MBD5: variants seen among roughly 807,000 people sequenced by gnomAD.
The protein encoded by MBD5 is methyl-CpG binding domain protein 5, also known as methyl-CpG-binding domain protein 5.
MBD5 carries 13 observed loss-of-function variants against 117.3 expected under a neutral mutation model. The observed-to-expected ratio is 0.11, with a 90% CI of 0.07 to 0.18. MBD5 has a LOEUF of 0.18. MBD5 is among the 10% of genes least tolerant of loss of function. MBD5 has a pLI of 1.00. For missense variants in MBD5, 1,879 were observed against 2,093.8 expected, an observed-to-expected ratio of 0.90 and a Z score of 2.00; for synonymous variants, 727 against 766.4, an observed-to-expected ratio of 0.95 and a Z score of 0.85.
At chr2:148,258,498 C>T (rs7424220) in intron 3 of MBD5, among the ~76,000 whole-genome samples, 144,122 of 152,216 alleles carry the variant, frequency 0.95, 68,705 homozygotes, top group East Asian at 1. Flanking sequence ...TAATTCCACA[C>T]GTGGCCTCCA....
intron 1 of MBD5, among the ~76,000 whole-genome samples, chr2:148,141,827 C>T (rs1026643012): frequency 5.3e-5 from 8 of 151,496 alleles, no homozygotes; most frequent in Admixed American, 4.0e-4. Flanking sequence ...AATAAAAATT[C>T]AAGGCTGGGC....
chr2:148,386,250 A>G (rs1704357237), intron 4 of MBD5, among the ~76,000 whole-genome samples: 2 of 152,234 alleles, frequency 1.3e-5, no homozygotes, highest in South Asian at 2.1e-4. Flanking sequence ...ATGAAAACAT[A>G]CATTCAGCCA....
chr2:148,308,150 T>G (rs1336730908), intron 3 of MBD5, among the ~76,000 whole-genome samples: 1 of 152,206 alleles, frequency 6.6e-6, no homozygotes, highest in Non-Finnish European at 1.5e-5. Flanking sequence ...CCTTTGGGTA[T>G]ATACCTAGTA....
At chr2:148,426,583 A>T (rs1357730824) in intron 4 of MBD5, among the ~76,000 whole-genome samples, 1 of 152,178 alleles carries the variant, frequency 6.6e-6, no homozygotes, top group Non-Finnish European at 1.5e-5. Flanking sequence ...TGGTGCTGGG[A>T]AAACTGGCTA....
chr2:148,258,913 A>G (rs1254182173), intron 3 of MBD5, among the ~76,000 whole-genome samples: 1 of 152,112 alleles, frequency 6.6e-6, no homozygotes, highest in Admixed American at 6.5e-5. Context: ...GAGCCGCCAT[A>G]GCAGTGGTCA....
chr2:148,079,058 A>G (rs1281514235), intron 1 of MBD5, among the ~76,000 whole-genome samples: 1 of 152,176 alleles, frequency 6.6e-6, no homozygotes, highest in Admixed American at 6.5e-5. Flanking sequence ...GCATAGCTTT[A>G]TAGCTTCCCT....
chr2:148,032,711 CCTA>C (rs1217745215), intron 1 of MBD5, among the ~76,000 whole-genome samples: 2 of 152,032 alleles, frequency 1.3e-5, no homozygotes, highest in Non-Finnish European at 2.9e-5. Flanking sequence ...ACAAGAAAAA[CCTA>C]CTATTAATTA....
In MBD5 at chr2:148,134,514, C is replaced by T. The variant is rs574007990; in HGVS notation, c.-924-44186C>T. 3.3e-5 allele frequency among the ~76,000 whole-genome samples: 5 copies of T among 152,308 alleles called. No individual in the cohort carries two copies. In the South Asian group the frequency reaches 1.0e-3, roughly 32 times the overall value. ...TATCTAACATGTATTTCTCCACAGT[C>T]ATCTGAAAAGTATGAACTAAATAAG... is the stretch of plus-strand genomic sequence containing the variant. On this transcript the variant is annotated intron_variant, in intron 1 of 13. Transcript: ENST00000642680.
intron 1 of MBD5, among the ~76,000 whole-genome samples, chr2:148,139,477 G>A (rs1697257604): frequency 6.6e-6 from 1 of 152,140 alleles, no homozygotes; most frequent in Admixed American, 6.5e-5. Flanking sequence ...CTCCGAAAGC[G>A]CTGGGATTAC....
chr2:148,483,025 T>G, intron 8 of MBD5, 85 bp from the exon 9 acceptor site: 1 of 1,465,894 alleles, frequency 6.8e-7, no homozygotes, highest in South Asian at 1.2e-5. Context: ...AAATTTAAAT[T>G]TATGTTAATG....
chr2:148,162,372 G>C (rs1698026998), intron 1 of MBD5, among the ~76,000 whole-genome samples: 1 of 152,078 alleles, frequency 6.6e-6, no homozygotes, highest in Non-Finnish European at 1.5e-5. Flanking sequence ...GCTTCTGGAG[G>C]AACTCCAACT....
chr2:148,446,332 A>G (rs1369714166), intron 4 of MBD5, among the ~76,000 whole-genome samples: 11 of 152,052 alleles, frequency 7.2e-5, no homozygotes, highest in Non-Finnish European at 1.2e-4. Context: ...AAAACTGGCT[A>G]GCCATATGTA....
At chr2:148,385,789 G>T (rs1704336850) in intron 4 of MBD5, among the ~76,000 whole-genome samples, 1 of 151,698 alleles carries the variant, frequency 6.6e-6, no homozygotes, top group African/African-American at 2.4e-5. Context: ...CATAAAAAAG[G>T]ATGAGTTCAT....
intron 1 of MBD5, among the ~76,000 whole-genome samples, chr2:148,153,672 C>T (rs1229852674): frequency 5.5e-4 from 76 of 137,644 alleles, no homozygotes; most frequent in African/African-American, 8.7e-4. Flanking sequence ...CTTCCCTTCT[C>T]GCTTCATTTC....
chr2:148,337,678 T>TA lies in MBD5; in HGVS notation c.-679-4528dup, dbSNP rs59215489. The stretch of plus-strand genomic sequence containing the variant: ...ATTCTATGTCATGTGAATAACCTAT[T>TA]AAAAAAAATAGATACCAGATAATTA... On this transcript the variant is annotated intron_variant, in intron 3 of 13. Transcript: ENST00000642680. Among the ~76,000 whole-genome samples the TA allele has an allele frequency of 3.9e-3, 593 of 152,022 alleles. 3 individuals are homozygous for TA. Among genetic ancestry groups the TA allele is most frequent in the African/African-American group, 0.013 (553 of 41,460 alleles).
chr2:148,504,019 C>G lies in MBD5; in HGVS notation c.5036+1510C>G, dbSNP rs1681950524. 2.0e-5 allele frequency among the ~76,000 whole-genome samples: 3 copies of G among 152,194 alleles called. No homozygotes were observed. The South Asian group carries it at 6.2e-4, about 31-fold the overall frequency. On this transcript the variant is annotated intron_variant, in intron 12 of 13. Coordinates refer to ENST00000642680, the MANE Select transcript of MBD5 (RefSeq NM_001378120.1). Reference sequence around the variant, plus strand: ...AAATAAAATAACTCCTCCAAATATTCAAATACACTGCCTTGAAATGAGCTG... The same window carrying G: ...AAATAAAATAACTCCTCCAAATATTGAAATACACTGCCTTGAAATGAGCTG...
At chr2:148,162,911 T>C (rs1008212285) in intron 1 of MBD5, among the ~76,000 whole-genome samples, 3 of 152,138 alleles carry the variant, frequency 2.0e-5, no homozygotes, top group Admixed American at 6.5e-5. Flanking sequence ...AAACTAATAT[T>C]CAGAGAACTT....
Position 148,460,884 on chromosome 2 carries a change from T to G in MBD5, c.114-1698T>G, listed in dbSNP as rs577657346. Reference sequence around the variant, plus strand: ...AGTTAAAATGTTGGGCAGTTCCTTTTCACCAAATTCATGAATGCTTCACAT... The same window carrying G: ...AGTTAAAATGTTGGGCAGTTCCTTTGCACCAAATTCATGAATGCTTCACAT... On this transcript the variant is annotated intron_variant, in intron 5 of 13. Coordinates refer to ENST00000642680, the MANE Select transcript of MBD5 (RefSeq NM_001378120.1). Among the ~76,000 whole-genome samples the G allele has an allele frequency of 1.5e-3, 235 of 152,310 alleles. 1 individual carries two copies. Among genetic ancestry groups the G allele is most frequent in the Non-Finnish European group, 2.5e-3 (172 of 68,014 alleles).
At chr2:148,070,535 G>A (rs1695322378) in intron 1 of MBD5, among the ~76,000 whole-genome samples, 1 of 152,116 alleles carries the variant, frequency 6.6e-6, no homozygotes, top group Admixed American at 6.5e-5. Context: ...ACTTAATAGA[G>A]AAATTGGTAG....
Sources: allele counts gnomAD v4.1 joint callset (sites outside exome capture counted in the v4.1 genomes callset), GRCh38; gene constraint gnomAD v4.1.1; transcripts MANE v1.5; gene names NCBI Gene and HGNC (gene_info 2026-07-23, HGNC 2026-07-21).